GLIS1: variants seen among roughly 807,000 people sequenced by gnomAD.
The protein encoded by GLIS1 is zinc finger protein GLIS1.
Under a neutral mutation model 63.8 loss-of-function variants are expected in GLIS1, and 24 were observed. The observed-to-expected ratio is 0.38, with a 90% confidence interval of 0.27 to 0.53. The LOEUF (loss-of-function observed/expected upper bound fraction) is 0.53. Among genes scored for constraint, GLIS1 ranks in the 20% least tolerant of loss-of-function variants. The probability of loss-of-function intolerance (pLI) is 0.85; values close to 1 mark genes in which losing one functional copy is unlikely to be tolerated. For missense variants in GLIS1, 1,036 were observed against 1,074.1 expected (o/e 0.96, Z 0.50); for synonymous variants, 450 against 482.5 (o/e 0.93, Z 0.88).
intron 2 of GLIS1, among the ~76,000 whole-genome samples, chr1:53,674,217 G>A (rs1482580561): frequency 6.6e-6 from 1 of 151,938 alleles, no homozygotes; most frequent in Admixed American, 6.6e-5. Flanking sequence ...CATTAAGATG[G>A]GGGTGAAAAC....
In GLIS1 at chr1:53,526,973, G is replaced by A. The variant is rs1431482540; in HGVS notation, c.1483-2086C>T. Reference sequence around the variant, plus strand: ...AGGACGCTCCGGGTGAGTCTGCCGTGCGGAGCCCCTGCCCGTCTGCACTTG... The same window carrying A: ...AGGACGCTCCGGGTGAGTCTGCCGTACGGAGCCCCTGCCCGTCTGCACTTG... On this transcript the variant is annotated intron_variant, in intron 5 of 10. Transcript: ENST00000628545. The surrounding 1 kb of genome is among the most constrained non-coding windows in gnomAD (Gnocchi z 4.4). Among the ~76,000 whole-genome samples, 1 of 152,214 alleles carries A rather than the reference G, an allele frequency of 6.6e-6. No homozygotes were observed. The highest frequency in any genetic ancestry group is 1.5e-5 in the Non-Finnish European group (1 of 68,046).
intron 2 of GLIS1, among the ~76,000 whole-genome samples, chr1:53,659,063 G>A (rs1215321060): frequency 1.3e-5 from 2 of 152,310 alleles, no homozygotes; most frequent in African/African-American, 2.4e-5. Context: ...GCACAGCAGC[G>A]TTTACTGATA....
intron 4 of GLIS1, among the ~76,000 whole-genome samples, chr1:53,563,856 C>T (rs560199226): frequency 4.7e-4 from 72 of 152,284 alleles, no homozygotes; most frequent in African/African-American, 1.7e-3. Flanking sequence ...GTTTTCTCTA[C>T]AACAAAACAA....
In GLIS1 at chr1:53,654,244, C is replaced by T. The variant is rs114256924; in HGVS notation, c.260-53966G>A. Among the ~76,000 whole-genome samples the T allele has an allele frequency of 7.6e-3, 1,155 of 152,326 alleles. 14 individuals carry two copies. The highest frequency in any genetic ancestry group is 0.037 in the Middle Eastern group (11 of 294). ...TAGGTACTTGGGACAGAGCAGCGAA[C>T]GAGATCAACAAGATCATGTGGAACT... On this transcript the variant is annotated intron_variant, in intron 2 of 10. Coordinates refer to ENST00000628545, the MANE Select transcript of GLIS1 (RefSeq NM_001367484.1).
At chr1:53,645,178 C>A (rs781096141) in intron 2 of GLIS1, among the ~76,000 whole-genome samples, 2 of 152,210 alleles carry the variant, frequency 1.3e-5, no homozygotes, top group East Asian at 1.9e-4. Context: ...GCTTCTCCCC[C>A]CCAGACATCT....
At chr1:53,562,614 C>CG (rs1239144537) in intron 4 of GLIS1, among the ~76,000 whole-genome samples, 1 of 152,148 alleles carries the variant, frequency 6.6e-6, no homozygotes, top group Non-Finnish European at 1.5e-5. Flanking sequence ...CACACTGCCC[C>CG]GGGGGCAGGC....
At chr1:53,671,232 T>G (rs893082141) in intron 2 of GLIS1, among the ~76,000 whole-genome samples, 1 of 152,176 alleles carries the variant, frequency 6.6e-6, no homozygotes, top group Non-Finnish European at 1.5e-5. Flanking sequence ...AGTGAAAACC[T>G]GTCTTAGTAG....
chr1:53,643,999 C>T lies in GLIS1; in HGVS notation c.260-43721G>A, dbSNP rs978339397. 7.9e-5 allele frequency among the ~76,000 whole-genome samples: 12 copies of T among 152,200 alleles called. No individual in the cohort carries two copies. The East Asian group carries it at 2.3e-3, about 29-fold the overall frequency. On this transcript the variant is annotated intron_variant, in intron 2 of 10. Transcript: ENST00000628545. ...TAATGCCAAGCCTGGAGTTCTTTCCCTGATAAAGAATGTTCCAGGCCAAGT... is the reference window on the plus strand; with the variant it reads ...TAATGCCAAGCCTGGAGTTCTTTCCTTGATAAAGAATGTTCCAGGCCAAGT...
At chr1:53,659,323 G>A (rs1646001549) in intron 2 of GLIS1, among the ~76,000 whole-genome samples, 1 of 152,206 alleles carries the variant, frequency 6.6e-6, no homozygotes, top group Admixed American at 6.5e-5. Flanking sequence ...CGGCTCTGCA[G>A]GAGGAGAGCT....
chr1:53,594,084 G>A, intron 4 of GLIS1, 24 bp downstream of exon 4: 1 of 1,582,970 alleles, frequency 6.3e-7, no homozygotes, highest in Non-Finnish European at 8.6e-7. Context: ...CTGGGGTGAG[G>A]CCTGGCGGCC....
intron 2 of GLIS1, among the ~76,000 whole-genome samples, chr1:53,718,995 G>T (rs762848617): frequency 6.6e-6 from 1 of 152,120 alleles, no homozygotes; most frequent in Non-Finnish European, 1.5e-5. Flanking sequence ...CTTCTGTGGG[G>T]TCCTAGGGAG....
chr1:53,506,891 G>A (rs373014629), intron 10 of GLIS1, 115 bp from the exon 11 acceptor site: 54 of 1,065,508 alleles, frequency 5.1e-5, no homozygotes, highest in African/African-American at 2.4e-4. Context: ...ACAGTGTCCC[G>A]TCGGTGGGGC....
chr1:53,692,996 T>C (rs1422228315), intron 2 of GLIS1, among the ~76,000 whole-genome samples: 1 of 152,200 alleles, frequency 6.6e-6, no homozygotes, highest in Non-Finnish European at 1.5e-5. Flanking sequence ...TCTACATCCA[T>C]GTCCATCTTT....
intron 4 of GLIS1, among the ~76,000 whole-genome samples, chr1:53,561,070 T>C (rs1033187679): frequency 2.0e-5 from 3 of 152,176 alleles, no homozygotes; most frequent in African/African-American, 7.2e-5. Flanking sequence ...GGATGGCTTC[T>C]CTACAGACAT....
At chr1:53,595,033 C>T (rs1322457285) in intron 3 of GLIS1, 43 bp from the exon 4 acceptor site, 1 of 1,385,578 alleles carries the variant, frequency 7.2e-7, no homozygotes, top group Non-Finnish European at 9.3e-7. Flanking sequence ...GCTGGGCTCG[C>T]CACAGAGGGA....
At chr1:53,507,962 GCAGGGGGCCAT>G (rs1308896110) in intron 10 of GLIS1, among the ~76,000 whole-genome samples, 175 of 152,320 alleles carry the variant, frequency 1.1e-3, no homozygotes, top group Non-Finnish European at 2.1e-3. Flanking sequence ...CCCATGTCAC[GCAGGGGGCCAT>G]GCACACACGT....
intron 4 of GLIS1, among the ~76,000 whole-genome samples, chr1:53,579,473 A>G (rs1482667407): frequency 1.3e-5 from 2 of 152,250 alleles, no homozygotes; most frequent in African/African-American, 2.4e-5. Flanking sequence ...GGGGGATCCC[A>G]TGGCTGATTT....
chr1:53,650,464 C>G (rs1645893749), intron 2 of GLIS1, among the ~76,000 whole-genome samples: 1 of 152,094 alleles, frequency 6.6e-6, no homozygotes, highest in South Asian at 2.1e-4. Context: ...GTGGCACACG[C>G]CTCTAGTCTC....
At chr1:53,699,042 TTTTGTTTG>T (rs145177511) in intron 2 of GLIS1, among the ~76,000 whole-genome samples, 1 of 151,434 alleles carries the variant, frequency 6.6e-6, no homozygotes, top group Non-Finnish European at 1.5e-5. Flanking sequence ...TTGTTTTGTT[TTTTGTTTG>T]TTTGTTTTTT....
Sources: gnomAD v4.1 joint callset for allele counts (sites outside exome capture counted in the v4.1 genomes callset) on GRCh38, gnomAD v4.1.1 for gene constraint, Gnocchi (gnomAD v3.1) non-coding constraint, MANE v1.5 for transcripts, NCBI Gene and HGNC (gene_info 2026-07-23, HGNC 2026-07-21) for gene names.